Variants in KMT2C observed in about 807,000 individuals in gnomAD.
KMT2C encodes the protein histone-lysine N-methyltransferase 2C.
KMT2C carries 88 observed loss-of-function variants against 507.9 expected under a neutral mutation model. The observed-to-expected ratio is 0.17, with a 90% CI of 0.15 to 0.21. The LOEUF is 0.21. KMT2C is among the 10% of genes least tolerant of loss of function. KMT2C has a pLI of 1.00. For synonymous variants in KMT2C, 2,049 were observed against 2,080.8 expected, an observed-to-expected ratio of 0.98 and a Z score of 0.42; for missense variants, 4,954 against 5,957.8, an observed-to-expected ratio of 0.83 and a Z score of 5.55.
chr7:152,171,128 G>A (rs1453255017), intron 40 of KMT2C, 136 bp downstream of exon 40: 3 of 479,658 alleles, frequency 6.3e-6, no homozygotes. Flanking sequence ...ACTGGCAAAT[G>A]GCATATGGTG....
At chr7:152,393,652 GCCTGTAATC>G (rs750633058) in intron 1 of KMT2C, among the ~76,000 whole-genome samples, 2 of 152,176 alleles carry the variant, frequency 1.3e-5, no homozygotes, top group Non-Finnish European at 2.9e-5. Flanking sequence ...GGTGGCTCAT[GCCTGTAATC>G]CCAACACTTT....
At position 152,182,502 on chromosome 7, in the gene KMT2C, CTGT is replaced by C. The variant is rs587778492; in HGVS notation, c.5355_5357del (p.Gln1787del). On this transcript the variant is annotated inframe_deletion, in exon 36 of 59. Transcript: ENST00000262189. Reference sequence around the variant, plus strand: ...CCAGAAGATGCTGAGAACCAAATTGCTGTTGTTGCTGCTGCTGCTGCTCATTTT... The same window carrying C: ...CCAGAAGATGCTGAGAACCAAATTGCTGTTGCTGCTGCTGCTGCTCATTTT... 3 of 1,613,786 alleles carry C rather than the reference CTGT, an allele frequency of 1.9e-6. No homozygotes were observed. Among genetic ancestry groups the C allele is most frequent in the African/African-American group, 1.3e-5 (1 of 74,902 alleles).
intron 37 of KMT2C, among the ~76,000 whole-genome samples, chr7:152,178,255 AGATAACAAAAAT>A (rs2093298314): frequency 1.3e-5 from 2 of 152,164 alleles, no homozygotes; most frequent in African/African-American, 4.8e-5. Context: ...AAGATTTAAC[AGATAACAAAAAT>A]GAAGACAAAG....
chr7:152,414,466 T>C (rs985796469), intron 1 of KMT2C, among the ~76,000 whole-genome samples: 1 of 151,974 alleles, frequency 6.6e-6, no homozygotes, highest in Non-Finnish European at 1.5e-5. Context: ...AGGCGAAGGT[T>C]GCCATGAGCC....
Position 152,243,702 on chromosome 7 carries a change from T to C in KMT2C, c.2532+4200A>G, listed in dbSNP as rs2095424627. 1.3e-5 allele frequency among the ~76,000 whole-genome samples: 2 copies of C among 152,104 alleles called. 1 individual carries two copies. Among genetic ancestry groups the C allele is most frequent in the South Asian group, 4.2e-4 (2 of 4,818 alleles). ...CAGGAGGCTGAGACAGGAGAACTGC[T>C]TGAGCCAGGGAGGCAGAGGCTGCAG... On this transcript the variant is annotated intron_variant, in intron 14 of 58. Coordinates refer to ENST00000262189, the MANE Select transcript of KMT2C (RefSeq NM_170606.3).
At chr7:152,164,667 T>TGAACACTTTCAATTTAATGGC (rs2092650696) in intron 42 of KMT2C, among the ~76,000 whole-genome samples, 2 of 152,218 alleles carry the variant, frequency 1.3e-5, no homozygotes, top group African/African-American at 4.8e-5. Flanking sequence ...CTAAATTTGT[T>TGAACACTTTCAATTTAATGGC]GAACACTTTC....
At chr7:152,252,808 G>A (rs2095581825) in intron 9 of KMT2C, 93 bp from the exon 10 acceptor site, 1 of 907,704 alleles carries the variant, frequency 1.1e-6, no homozygotes, top group Non-Finnish European at 1.6e-6. Flanking sequence ...TGAATCATTT[G>A]TGGATTATAC....
intron 1 of KMT2C, among the ~76,000 whole-genome samples, chr7:152,377,714 G>A (rs572408080): frequency 1.3e-3 from 173 of 134,084 alleles, no homozygotes; most frequent in African/African-American, 4.9e-3. Context: ...CAGCCAGGGC[G>A]ACAAAGCGAG....
intron 40 of KMT2C, among the ~76,000 whole-genome samples, chr7:152,170,360 T>TAA (rs35271891): frequency 2.7e-5 from 4 of 149,556 alleles, no homozygotes; most frequent in African/African-American, 9.8e-5. Context: ...GCTCCCTTTA[T>TAA]AAAAAAAAAA....
intron 6 of KMT2C, among the ~76,000 whole-genome samples, chr7:152,285,624 G>T (rs1164514419): frequency 6.6e-6 from 1 of 150,396 alleles, no homozygotes; most frequent in African/African-American, 2.5e-5. Context: ...CCAAAAACTG[G>T]CTGGAATGGG....
At chr7:152,411,064 C>T (rs79076523) in intron 1 of KMT2C, among the ~76,000 whole-genome samples, 1 of 150,572 alleles carries the variant, frequency 6.6e-6, no homozygotes. Context: ...TGCATACACA[C>T]ACAATTCTCT....
At chr7:152,227,830 A>G (rs1337532556) in intron 18 of KMT2C, among the ~76,000 whole-genome samples, 2 of 152,212 alleles carry the variant, frequency 1.3e-5, no homozygotes, top group Non-Finnish European at 2.9e-5. Flanking sequence ...TAAGCTGCAC[A>G]ATTACCACAG....
At chr7:152,353,797 C>T (rs567960944) in intron 2 of KMT2C, among the ~76,000 whole-genome samples, 10 of 152,270 alleles carry the variant, frequency 6.6e-5, no homozygotes, top group African/African-American at 2.4e-4. Context: ...CCACGCCCAG[C>T]GTAATACCCT....
chr7:152,145,942 G>A (rs1471436754), intron 53 of KMT2C, among the ~76,000 whole-genome samples: 1 of 152,146 alleles, frequency 6.6e-6, no homozygotes, highest in Admixed American at 6.5e-5. Flanking sequence ...TAGGCAGGGC[G>A]ATTCCAAAGA....
intron 37 of KMT2C, among the ~76,000 whole-genome samples, chr7:152,178,997 A>T (rs1014457685): frequency 1.4e-4 from 21 of 151,530 alleles, no homozygotes; most frequent in Admixed American, 5.9e-4. Flanking sequence ...TATTATTATT[A>T]TTTTTTAAAT....
chr7:152,209,323 G>A (rs1411032002), intron 23 of KMT2C, among the ~76,000 whole-genome samples: 1 of 151,754 alleles, frequency 6.6e-6, no homozygotes, highest in Non-Finnish European at 1.5e-5. Context: ...CAGGTGAGGT[G>A]GCTGGTGCCT....
chr7:152,387,407 G>A (rs1456003333), intron 1 of KMT2C, among the ~76,000 whole-genome samples: 1 of 145,304 alleles, frequency 6.9e-6, no homozygotes, highest in Non-Finnish European at 1.5e-5. Context: ...ATGAAAAGAT[G>A]TATAACATAT....
At chr7:152,166,578 T>C (rs1458082781) in intron 42 of KMT2C, among the ~76,000 whole-genome samples, 2 of 152,198 alleles carry the variant, frequency 1.3e-5, no homozygotes, top group Non-Finnish European at 2.9e-5. Context: ...AAACTTCTGG[T>C]TTATAATAGA....
chr7:152,254,072 A>T (rs1418546482), intron 9 of KMT2C, among the ~76,000 whole-genome samples: 1 of 152,202 alleles, frequency 6.6e-6, no homozygotes, highest in Non-Finnish European at 1.5e-5. Flanking sequence ...GGAACCATAG[A>T]TCAGCTAGTC....
Sources: allele counts gnomAD v4.1 joint callset (sites outside exome capture counted in the v4.1 genomes callset), GRCh38; gene constraint gnomAD v4.1.1; transcripts MANE v1.5; gene names NCBI Gene and HGNC (gene_info 2026-07-23, HGNC 2026-07-21).